The following CSMD3 variants were observed in gnomAD, a reference collection of about 807,000 sequenced individuals.
The protein encoded by CSMD3 is CUB and sushi domain-containing protein 3.
In CSMD3, 177 loss-of-function variants were observed where a neutral mutation model predicts 435.2. That is an observed-to-expected ratio of 0.41 (90% CI 0.36 to 0.46). CSMD3 has a LOEUF of 0.46. Among genes scored for constraint, CSMD3 ranks in the 20% least tolerant of loss-of-function variants. CSMD3 has a pLI of 0.34. For synonymous variants in CSMD3, 1,656 were observed against 1,520.5 expected (o/e 1.09, Z -2.07); for missense variants, 4,265 against 4,504.6 (o/e 0.95, Z 1.52).
intron 12 of CSMD3, among the ~76,000 whole-genome samples, chr8:112,818,199 T>C (rs2079432619): frequency 6.6e-6 from 1 of 152,074 alleles, no homozygotes; most frequent in Non-Finnish European, 1.5e-5. Flanking sequence ...CTTAATTCAA[T>C]ACTTTGACGG....
At chr8:112,251,910 C>T (rs1002365078) in intron 63 of CSMD3, among the ~76,000 whole-genome samples, 1 of 151,684 alleles carries the variant, frequency 6.6e-6, no homozygotes, top group Non-Finnish European at 1.5e-5. Flanking sequence ...TAAAATTATT[C>T]CAATTTACAA....
rs535449452 is a variant in CSMD3 at position 112,439,605 on chromosome 8, G to A, written c.5396-30573C>T. On this transcript the variant is annotated intron_variant, in intron 32 of 70. Transcript: ENST00000297405. Reference sequence around the variant, plus strand: ...GTTATAAAGAACTGCCTGACACTACGTAATTTATAAAGGAAAGAGGCTTAA... The same window carrying A: ...GTTATAAAGAACTGCCTGACACTACATAATTTATAAAGGAAAGAGGCTTAA... Among the ~76,000 whole-genome samples, 32 of 152,124 alleles carry A rather than the reference G, an allele frequency of 2.1e-4. 1 individual carries two copies. The highest frequency in any genetic ancestry group is 6.0e-4 in the African/African-American group (25 of 41,514).
At chr8:112,845,807 C>T (rs1384346678) in intron 11 of CSMD3, among the ~76,000 whole-genome samples, 1 of 151,830 alleles carries the variant, frequency 6.6e-6, no homozygotes, top group African/African-American at 2.4e-5. Flanking sequence ...AACTTCAAGG[C>T]ATACTAATTA....
At chr8:113,347,546 G>T (rs2094160364) in intron 1 of CSMD3, among the ~76,000 whole-genome samples, 1 of 152,098 alleles carries the variant, frequency 6.6e-6, no homozygotes, top group South Asian at 2.1e-4. Flanking sequence ...ATGGTTTGGA[G>T]AGCAAGAGTG....
chr8:112,447,472 T>C (rs1815735669), intron 32 of CSMD3, among the ~76,000 whole-genome samples: 1 of 152,188 alleles, frequency 6.6e-6, no homozygotes, highest in African/African-American at 2.4e-5. Context: ...CTGTAGTTCC[T>C]GAAACTCAGT....
chr8:113,086,389 C>T (rs1451392416), intron 5 of CSMD3, among the ~76,000 whole-genome samples: 1 of 151,970 alleles, frequency 6.6e-6, no homozygotes, highest in East Asian at 1.9e-4. Flanking sequence ...ATTTATCATT[C>T]CAATAGGTTA....
chr8:112,640,763 T>C (rs1196407184), intron 20 of CSMD3, among the ~76,000 whole-genome samples: 2 of 151,976 alleles, frequency 1.3e-5, no homozygotes, highest in South Asian at 2.1e-4. Context: ...TGCTTTGCTG[T>C]CCAGATTAGC....
intron 12 of CSMD3, among the ~76,000 whole-genome samples, chr8:112,802,672 CTTGGTAAAGAGGATTGGGA>C (rs1419847943): frequency 4.0e-5 from 6 of 151,752 alleles, no homozygotes; most frequent in African/African-American, 2.4e-5. Context: ...TCCCCAACTA[CTTGGTAAAGAGGATTGGGA>C]TATGAACGGT....
chr8:112,424,601 C>T (rs1010267750), intron 32 of CSMD3, among the ~76,000 whole-genome samples: 2 of 152,184 alleles, frequency 1.3e-5, no homozygotes, highest in Non-Finnish European at 1.5e-5. Context: ...GTTTCCCTAA[C>T]TATGTCATAG....
At chr8:113,092,835 C>T (rs1438820659) in intron 5 of CSMD3, among the ~76,000 whole-genome samples, 3 of 151,980 alleles carry the variant, frequency 2.0e-5, no homozygotes, top group Non-Finnish European at 2.9e-5. Context: ...TAAAAACAAA[C>T]AAACGAACAA....
rs533967494 is a variant in CSMD3, at chr8:112,272,610, G to A, written c.9509-7020C>T. Among the ~76,000 whole-genome samples the A allele has an allele frequency of 5.3e-5, 8 of 152,126 alleles. No individual in the cohort carries two copies. The East Asian group carries it at 1.5e-3, about 29-fold the overall frequency. ...AGTGTTGAGCTCTGCCCGTAGTCAG[G>A]AAGCCCTCTAAATACGTGATGCCTG... On this transcript the variant is annotated intron_variant, in intron 59 of 70. Coordinates refer to ENST00000297405, the MANE Select transcript of CSMD3 (RefSeq NM_198123.2).
At chr8:113,030,754 G>A (rs1339356968) in intron 5 of CSMD3, among the ~76,000 whole-genome samples, 1 of 151,314 alleles carries the variant, frequency 6.6e-6, no homozygotes, top group Non-Finnish European at 1.5e-5. Flanking sequence ...AAAAAAAAGT[G>A]TTAATATATC....
At chr8:112,566,278 T>C (rs1177977802) in intron 24 of CSMD3, among the ~76,000 whole-genome samples, 1 of 152,058 alleles carries the variant, frequency 6.6e-6, no homozygotes, top group Non-Finnish European at 1.5e-5. Context: ...AAGGTAACTT[T>C]GCTATGCTTT....
intron 45 of CSMD3, among the ~76,000 whole-genome samples, chr8:112,328,398 A>C (rs1412198637): frequency 6.6e-6 from 1 of 152,200 alleles, no homozygotes; most frequent in African/African-American, 2.4e-5. Flanking sequence ...GTGAGTTGAC[A>C]TGAAGATAGA....
intron 10 of CSMD3, among the ~76,000 whole-genome samples, chr8:112,868,924 G>GA (rs11420568): frequency 0.75 from 113,866 of 151,918 alleles, 43,466 homozygotes; most frequent in East Asian, 0.93. Flanking sequence ...AAGAAAACAG[G>GA]AAAAAAATCT....
At chr8:112,404,295 C>T (rs900382389) in intron 35 of CSMD3, among the ~76,000 whole-genome samples, 3 of 151,996 alleles carry the variant, frequency 2.0e-5, no homozygotes, top group Non-Finnish European at 2.9e-5. Flanking sequence ...TTTGGGAGGC[C>T]GAGGCGGGTG....
intron 30 of CSMD3, among the ~76,000 whole-genome samples, chr8:112,496,353 T>C (rs779238843): frequency 7.9e-5 from 12 of 152,134 alleles, no homozygotes; most frequent in Admixed American, 2.0e-4. Context: ...TTGAGGGGGA[T>C]GTAAATTAGT....
chr8:112,959,187 G>C (rs1044261913), intron 7 of CSMD3, among the ~76,000 whole-genome samples: 1 of 151,966 alleles, frequency 6.6e-6, no homozygotes, highest in African/African-American at 2.4e-5. Flanking sequence ...GTATTAGTTA[G>C]CAGAACATTG....
At chr8:113,219,231 A>G (rs2092940179) in intron 3 of CSMD3, among the ~76,000 whole-genome samples, 1 of 151,404 alleles carries the variant, frequency 6.6e-6, no homozygotes, top group Non-Finnish European at 1.5e-5. Flanking sequence ...GCTACCAGTC[A>G]ATTCAATCAG....
Sources: allele counts gnomAD v4.1 joint callset (sites outside exome capture counted in the v4.1 genomes callset), GRCh38; gene constraint gnomAD v4.1.1; transcripts MANE v1.5; gene names NCBI Gene and HGNC (gene_info 2026-07-23, HGNC 2026-07-21).